The following MYO3A variants were observed in gnomAD, a reference collection of about 807,000 sequenced individuals.
The protein encoded by MYO3A is myosin IIIA.
A neutral mutation model predicts 192.7 loss-of-function variants in MYO3A; 180 were observed. The ratio of observed to expected loss-of-function variants is 0.93; its 90% CI spans 0.83 to 1.06. The LOEUF (loss-of-function observed/expected upper bound fraction) is 1.06. Ranked by LOEUF, MYO3A falls within the 50% of genes least tolerant of loss-of-function variation. The pLI, the probability that MYO3A is intolerant of heterozygous loss-of-function variation, is 0.00. For synonymous variants in MYO3A, 628 were observed against 645.3 expected (o/e 0.97, Z 0.41); for missense variants, 1,896 against 1,905.0 (o/e 1.00, Z 0.09).
chr10:26,152,070 T>C (rs1335979666), intron 23 of MYO3A, among the ~76,000 whole-genome samples: 1 of 152,198 alleles, frequency 6.6e-6, no homozygotes, highest in African/African-American at 2.4e-5. Context: ...TTTGCCCTTA[T>C]AAAATATGCA....
chr10:26,156,689 CT>C (rs1160072960), intron 25 of MYO3A, among the ~76,000 whole-genome samples: 2 of 151,800 alleles, frequency 1.3e-5, no homozygotes, highest in Non-Finnish European at 1.5e-5. Flanking sequence ...AAGGTGTTCC[CT>C]TTTTTTTAAT....
rs376770226 is a variant in MYO3A at position 26,067,077 on chromosome 10, A to G, written c.1053+3A>G. The G allele has an allele frequency of 4.6e-5, 72 of 1,578,140 alleles. 1 individual carries two copies. Among genetic ancestry groups the G allele is most frequent in the Non-Finnish European group, 5.7e-5 (65 of 1,147,500 alleles). On this transcript the variant is annotated splice_donor_region_variant and intron_variant, in intron 11 of 34. Transcript: ENST00000642920. ...CAACCCTAGAAATTTTGGATGAGGTAAGAATTTCAGTTTAATTAAACTTAG... is the reference window on the plus strand; with the variant it reads ...CAACCCTAGAAATTTTGGATGAGGTGAGAATTTCAGTTTAATTAAACTTAG...
At chr10:25,959,541 T>A (rs1402807337) in intron 4 of MYO3A, among the ~76,000 whole-genome samples, 1 of 152,112 alleles carries the variant, frequency 6.6e-6, no homozygotes, top group African/African-American at 2.4e-5. Flanking sequence ...TTCATTACAC[T>A]TTTGGAGCGC....
At chr10:26,041,246 T>C (rs1433714890) in intron 10 of MYO3A, among the ~76,000 whole-genome samples, 1 of 152,124 alleles carries the variant, frequency 6.6e-6, no homozygotes, top group East Asian at 1.9e-4. Context: ...ATAGAATACC[T>C]CTTTCCATTC....
chr10:26,209,450 A>C (rs1009746638), intron 34 of MYO3A, among the ~76,000 whole-genome samples: 5 of 152,216 alleles, frequency 3.3e-5, no homozygotes, highest in African/African-American at 1.2e-4. Context: ...AATACATGAA[A>C]GAGTAATGAT....
intron 31 of MYO3A, among the ~76,000 whole-genome samples, chr10:26,181,126 C>T (rs967127074): frequency 5.3e-5 from 8 of 152,022 alleles, no homozygotes; most frequent in Admixed American, 2.0e-4. Flanking sequence ...AAGATACATA[C>T]GAACAGAAAA....
At chr10:26,189,003 T>A (rs370806069) in intron 31 of MYO3A, among the ~76,000 whole-genome samples, 54 of 152,022 alleles carry the variant, frequency 3.6e-4, no homozygotes, top group East Asian at 1.7e-3. Context: ...ACTTTAAAGT[T>A]GTTTTTTCCA....
intron 18 of MYO3A, among the ~76,000 whole-genome samples, chr10:26,121,781 A>G (rs548413358): frequency 6.6e-6 from 1 of 152,268 alleles, no homozygotes; most frequent in African/African-American, 2.4e-5. Flanking sequence ...ATGGAGAATC[A>G]TGATACAAAT....
chr10:25,972,984 T>C (rs1838752668), intron 4 of MYO3A, among the ~76,000 whole-genome samples: 1 of 152,228 alleles, frequency 6.6e-6, no homozygotes, highest in Non-Finnish European at 1.5e-5. Context: ...CTTAGCTGTT[T>C]CTTTTTAAAA....
rs75423842 is a variant in MYO3A, at chr10:26,168,656, A to G, written c.3112-56A>G. ...TGTTCTGTTCTTCAAAGCACAGCACATAACTGCTTCACATCTGTGTGCCAT... is the reference window on the plus strand; with the variant it reads ...TGTTCTGTTCTTCAAAGCACAGCACGTAACTGCTTCACATCTGTGTGCCAT... On this transcript the variant is annotated intron_variant, in intron 27 of 34. Transcript: ENST00000642920. 124,818 of 1,549,958 alleles carry G rather than the reference A, an allele frequency of 0.081. 5,512 individuals carry two copies. Among genetic ancestry groups the G allele is most frequent in the Non-Finnish European group, 0.09 (101,475 of 1,127,786 alleles).
At chr10:26,138,862 C>G (rs557155772) in intron 20 of MYO3A, among the ~76,000 whole-genome samples, 1 of 152,246 alleles carries the variant, frequency 6.6e-6, no homozygotes, top group East Asian at 1.9e-4. Flanking sequence ...GTCCCACAAC[C>G]AAGAGGACAC....
At chr10:26,202,911 A>T in intron 33 of MYO3A, 53 bp from the exon 34 acceptor site, 1 of 1,595,616 alleles carries the variant, frequency 6.3e-7, no homozygotes, top group Non-Finnish European at 8.6e-7. Context: ...TGTAAGTTTA[A>T]GTGAGTAGAA....
At chr10:26,026,252 A>T in intron 9 of MYO3A, 125 bp from the exon 10 acceptor site, 2 of 1,140,580 alleles carry the variant, frequency 1.8e-6, no homozygotes, top group Non-Finnish European at 2.5e-6. Context: ...AATATATTTT[A>T]AGCTTGGGCT....
intron 14 of MYO3A, among the ~76,000 whole-genome samples, chr10:26,073,640 T>G (rs1835351305): frequency 8.7e-6 from 1 of 115,220 alleles, no homozygotes; most frequent in Non-Finnish European, 2.1e-5. Context: ...CAAATAATAA[T>G]AATAATAATG....
intron 15 of MYO3A, among the ~76,000 whole-genome samples, chr10:26,094,426 T>C (rs894412917): frequency 5.6e-5 from 8 of 143,756 alleles, no homozygotes; most frequent in South Asian, 4.7e-4. Flanking sequence ...ATTTCTTTTT[T>C]TTTTTTTTTT....
intron 14 of MYO3A, among the ~76,000 whole-genome samples, chr10:26,072,511 G>C (rs1237142640): frequency 6.6e-6 from 1 of 152,120 alleles, no homozygotes; most frequent in Non-Finnish European, 1.5e-5. Context: ...AGAAACTAGG[G>C]AGAGACAAGG....
intron 6 of MYO3A, among the ~76,000 whole-genome samples, chr10:26,003,987 A>T (rs1000012492): frequency 3.3e-5 from 5 of 152,248 alleles, no homozygotes; most frequent in Admixed American, 6.5e-5. Context: ...CAAGTGAGGC[A>T]GTACACCCGA....
intron 26 of MYO3A, chr10:26,165,721 A>C: frequency 3.1e-6 from 1 of 322,682 alleles, no homozygotes; most frequent in Non-Finnish European, 5.8e-6. Context: ...CTGCCACTGC[A>C]GTCCTGCACT....
chr10:26,194,239 C>T (rs1843291997), intron 32 of MYO3A, among the ~76,000 whole-genome samples: 1 of 152,202 alleles, frequency 6.6e-6, no homozygotes, highest in Non-Finnish European at 1.5e-5. Context: ...TAAACCATAC[C>T]TTTGAGCATG....
Sources: gnomAD v4.1 joint callset for allele counts (sites outside exome capture counted in the v4.1 genomes callset) on GRCh38, gnomAD v4.1.1 for gene constraint, MANE v1.5 for transcripts, NCBI Gene and HGNC (gene_info 2026-07-23, HGNC 2026-07-21) for gene names.